ARMCX4: variants seen among roughly 807,000 people sequenced by gnomAD.
ARMCX4 encodes armadillo repeat containing X-linked 4, also known as armadillo repeat-containing X-linked protein 4.
A neutral mutation model predicts 34.7 loss-of-function variants in ARMCX4; 3 were observed. The observed-to-expected ratio is 0.09, with a 90% confidence interval of 0.04 to 0.22. The LOEUF (loss-of-function observed/expected upper bound fraction) is 0.22. Ranked by LOEUF, ARMCX4 falls within the 10% of genes least tolerant of loss-of-function variation. The probability of loss-of-function intolerance (pLI) is 1.00; values close to 1 mark genes in which losing one functional copy is unlikely to be tolerated. For synonymous variants in ARMCX4, 513 were observed against 632.8 expected (o/e 0.81, Z 2.84); for missense variants, 1,448 against 1,720.8 (o/e 0.84, Z 2.81).
chrX:101,434,669 G>A (rs926574382), intron 2 of ARMCX4, among the ~76,000 whole-genome samples: 2 of 109,375 alleles, frequency 1.8e-5, no homozygotes, highest in African/African-American at 6.7e-5. Context: ...TAAGTTTTAG[G>A]GTACATGTGC....
Position 101,493,966 on chromosome X carries a change from T to G in ARMCX4, c.5377T>G (p.Ser1793Ala). The G allele has an allele frequency of 1.1e-6, 1 of 892,363 alleles. No individual in the cohort carries two copies. The highest frequency in any genetic ancestry group is 1.4e-6 in the Non-Finnish European group (1 of 718,543). The allele number at this position is 892,363 out of a possible 1,213,427, so 73.5% of individuals were successfully genotyped here. ...GGCTGAGAACAAGGCTAGTAGTGGC[T>G]CCTGGATTAGATCTGAGGAGGTGGC... is the stretch of plus-strand genomic sequence containing the variant. ...IEAENKASSGSWIRSEEVAYM... is the reference protein window; with the variant it reads ...IEAENKASSGAWIRSEEVAYM... The change falls in exon 6 of 6, where the codon TCC becomes GCC. Residue 1793 changes from serine (S) to alanine (A), a missense_variant. This residue lies in a region of ARMCX4 where 1,343 missense variants were observed against 1,540.7 expected (regional missense o/e 0.87). Transcript: ENST00000423738.
Position 101,490,423 on chromosome X carries a change from C to T in ARMCX4, c.1834C>T (p.Pro612Ser). ...PGAKNKVKGN[P>S]HTVLKVGAGE... ...TGCCAAGAATAAAGTCAAGGGCAATCCCCATACTGTGCTTAAGGTGGGGGC... is the reference window on the plus strand; with the variant it reads ...TGCCAAGAATAAAGTCAAGGGCAATTCCCATACTGTGCTTAAGGTGGGGGC... Residue 612 changes from proline (P) to serine (S), a missense_variant, in exon 6 of 6, where the codon CCC becomes TCC. Pro to Ser is a moderately conservative substitution (Grantham distance 74). Transcript: ENST00000423738. 2.6e-6 allele frequency: 3 copies of T among 1,153,202 alleles called. No individual in the cohort carries two copies. The highest frequency in any genetic ancestry group is 3.4e-6 in the Non-Finnish European group (3 of 871,852).
At chrX:101,435,915 T>C (rs782713657) in intron 2 of ARMCX4, among the ~76,000 whole-genome samples, 2 of 111,315 alleles carry the variant, frequency 1.8e-5, no homozygotes, top group Non-Finnish European at 3.8e-5. Context: ...TTTCCCCATT[T>C]CTTGTTTTTG....
chrX:101,460,704 G>A (rs1168847256), intron 4 of ARMCX4, among the ~76,000 whole-genome samples: 1 of 111,907 alleles, frequency 8.9e-6, no homozygotes, highest in African/African-American at 3.2e-5. Context: ...CAAAAAATCA[G>A]TAAAGCTTGT....
chrX:101,444,312 A>G (rs1341228294), intron 3 of ARMCX4, among the ~76,000 whole-genome samples: 3 of 113,118 alleles, frequency 2.7e-5, no homozygotes, highest in Non-Finnish European at 3.7e-5. Flanking sequence ...CTGCTTAACC[A>G]GGGCATGACC....
chrX:101,521,317 C>T (rs1344477542), intron 11 of ARMCX4, among the ~76,000 whole-genome samples: 1 of 111,291 alleles, frequency 9.0e-6, no homozygotes, highest in African/African-American at 3.3e-5. Flanking sequence ...GGTATTTGTC[C>T]AATTTCATAT....
At chrX:101,530,520 A>T (rs932100349) in intron 11 of ARMCX4, among the ~76,000 whole-genome samples, 1 of 111,702 alleles carries the variant, frequency 9.0e-6, no homozygotes, top group Non-Finnish European at 1.9e-5. Flanking sequence ...AGTGGTATAT[A>T]AAAAAAAGAA....
At chrX:101,496,738 T>G (rs1436930487), downstream of ARMCX4, among the ~76,000 whole-genome samples, 31 of 111,482 alleles carry the variant, frequency 2.8e-4, no homozygotes, top group African/African-American at 9.8e-4. Flanking sequence ...GATCTACCTC[T>G]CTCCCACCCC....
intron 2 of ARMCX4, among the ~76,000 whole-genome samples, chrX:101,424,340 C>A (rs1555990573): frequency 9.0e-6 from 1 of 111,311 alleles, no homozygotes; most frequent in African/African-American, 3.3e-5. Flanking sequence ...TTTGTAATAT[C>A]CTTTATAATA....
chrX:101,492,806 G>T lies in ARMCX4; in HGVS notation c.4217G>T (p.Gly1406Val). 1 of 1,154,684 alleles carries T rather than the reference G, an allele frequency of 8.7e-7. No individual in the cohort carries two copies. The highest frequency in any genetic ancestry group is 2.6e-5 in the Admixed American group (1 of 38,737). Residue 1406 changes from glycine (G) to valine (V), a missense_variant, in exon 6 of 6, where the codon GGT becomes GTT. Coordinates refer to ENST00000423738, the MANE Select transcript of ARMCX4 (RefSeq NM_001256155.3). ...GAAGAAGGGTCTTGGGCTGGGGCTG[G>T]TGGCCAGGCTGGTGGAGGGTCCAAG... is the stretch of plus-strand genomic sequence containing the variant. ...TTEEGSWAGA[G>V]GQAGGGSKVG... is the part of the protein sequence containing the mutation.
intron 11 of ARMCX4, among the ~76,000 whole-genome samples, chrX:101,520,751 T>C (rs1242057066): frequency 9.0e-6 from 1 of 111,101 alleles, no homozygotes; most frequent in Admixed American, 9.7e-5. Flanking sequence ...GGTATCTGGG[T>C]AATACTGGCC....
At chrX:101,497,754 A>T (rs988276874), downstream of ARMCX4, among the ~76,000 whole-genome samples, 1 of 111,944 alleles carries the variant, frequency 8.9e-6, no homozygotes. Flanking sequence ...TTATTTGTAA[A>T]GCAATAAGTG....
chrX:101,442,718 CT>C (rs1317349286), intron 2 of ARMCX4, among the ~76,000 whole-genome samples: 1 of 111,309 alleles, frequency 9.0e-6, no homozygotes, highest in African/African-American at 3.3e-5. Flanking sequence ...TTTTCCACCC[CT>C]GTAAAGGCTT....
At chrX:101,420,591 C>T (rs1436641798) in intron 2 of ARMCX4, among the ~76,000 whole-genome samples, 3 of 111,200 alleles carry the variant, frequency 2.7e-5, no homozygotes, top group Non-Finnish European at 1.9e-5. Context: ...TAGGGGTATT[C>T]GACTAGTCAA....
intron 4 of ARMCX4, among the ~76,000 whole-genome samples, chrX:101,456,777 TTTC>T (rs1433998400): frequency 1.8e-5 from 2 of 111,301 alleles, no homozygotes; most frequent in East Asian, 5.5e-4. Flanking sequence ...GTGTTCTAAT[TTTC>T]TTAATTGTCT....
At chrX:101,418,542 G>A (rs1929032269) in intron 1 of ARMCX4, among the ~76,000 whole-genome samples, 1 of 112,498 alleles carries the variant, frequency 8.9e-6, no homozygotes, top group South Asian at 3.6e-4. Flanking sequence ...CGGCAGGTGG[G>A]ACCGGGCACA....
At chrX:101,482,398 TTTC>T (rs1933490909), upstream of ARMCX4, among the ~76,000 whole-genome samples, 1 of 110,374 alleles carries the variant, frequency 9.1e-6, no homozygotes, top group Admixed American at 9.7e-5. Context: ...ATTCTTTTCT[TTTC>T]TTTTCTTTTC....
chrX:101,520,394 G>A (rs148533602), intron 11 of ARMCX4, among the ~76,000 whole-genome samples: 289 of 112,320 alleles, frequency 2.6e-3, no homozygotes, highest in African/African-American at 9.1e-3. Flanking sequence ...TACGTTATCT[G>A]TGGGTTTTTC....
chrX:101,489,620 C>A lies in ARMCX4; in HGVS notation c.1031C>A (p.Thr344Asn). The A allele has an allele frequency of 8.7e-7, 1 of 1,154,657 alleles. No individual in the cohort carries two copies. The highest frequency in any genetic ancestry group is 1.8e-5 in the African/African-American group (1 of 56,283). Residue 344 changes from threonine to asparagine, a missense_variant, in exon 6 of 6, where the codon ACC (threonine) becomes AAC (asparagine). By Grantham distance (65) the Thr-to-Asn change is moderately conservative. This residue lies in a region of ARMCX4 where 1,343 missense variants were observed against 1,540.7 expected (regional missense o/e 0.87). Coordinates refer to ENST00000423738, the MANE Select transcript of ARMCX4 (RefSeq NM_001256155.3). The part of the protein sequence containing the change: ...PGAKIDAGGN[T>N]NAMCKVGAGA... The stretch of plus-strand genomic sequence containing the variant: ...GCAAAGATTGATGCCGGGGGTAACA[C>A]CAATGCCATGTGTAAGGTGGGGGCA...
Sources: allele counts gnomAD v4.1 joint callset (sites outside exome capture counted in the v4.1 genomes callset), GRCh38; gene constraint gnomAD v4.1.1; regional missense constraint gnomAD v4.1.1; transcripts MANE v1.5; gene names NCBI Gene and HGNC (gene_info 2026-07-23, HGNC 2026-07-21).